The following CDH5 variants were observed in gnomAD, a reference collection of about 807,000 sequenced individuals.
The protein encoded by CDH5 is cadherin 5.
CDH5 carries 28 observed loss-of-function variants against 62.0 expected under a neutral mutation model. The ratio of observed to expected loss-of-function variants is 0.45; its 90% CI spans 0.33 to 0.62. The LOEUF (loss-of-function observed/expected upper bound fraction) is 0.62, where lower values mean the gene tolerates loss of function less well. CDH5 is among the 20% of genes least tolerant of loss of function. The probability of loss-of-function intolerance (pLI) is 0.02; values close to 1 mark genes in which losing one functional copy is unlikely to be tolerated. For missense variants in CDH5, 940 were observed against 1,065.1 expected (o/e 0.88, Z 1.63); for synonymous variants, 464 against 445.8 (o/e 1.04, Z -0.52).
chr16:66,403,073 T>A lies in CDH5; in HGVS notation c.2259T>A (p.Ser753=), dbSNP rs1299930073. 6.2e-7 allele frequency: 1 copy of A among 1,613,636 alleles called. No homozygotes were observed. Among genetic ancestry groups the A allele is most frequent in the Non-Finnish European group, 8.5e-7 (1 of 1,179,922 alleles). Residue 753 remains serine, a synonymous_variant, in exon 12 of 12, where the codon TCT becomes TCA. Coordinates refer to ENST00000341529, the MANE Select transcript of CDH5 (RefSeq NM_001795.5). This position sits in a 1 kb window ranked among gnomAD's most constrained non-coding sequence, Gnocchi z 4.3. ...CCCTGGGCACCGACTCATCCGACTC[T>A]GACGTGGATTACGACTTCCTTAACG... ...LSSLGTDSSD[S]DVDYDFLNDW...
intron 2 of CDH5, among the ~76,000 whole-genome samples, chr16:66,383,797 C>G (rs143246927): frequency 2.1e-4 from 32 of 152,148 alleles, no homozygotes; most frequent in African/African-American, 7.7e-4. Context: ...CTCCAAGATG[C>G]TTGTTGCTGC....
At position 66,389,470 on chromosome 16, in the gene CDH5, C is replaced by T. The variant is rs758374402; in HGVS notation, c.729C>T (p.Thr243=). The change falls in exon 5 of 12, where the codon ACC becomes ACT. Residue 243 remains threonine, a synonymous_variant. Coordinates refer to ENST00000341529, the MANE Select transcript of CDH5 (RefSeq NM_001795.5). ...QGLRGDSGTA[T]VLVTLQDIND... is the part of the protein sequence containing the mutation. ...TCCGGGGGGACTCGGGCACGGCCAC[C>T]GTGCTGGTCACTCTGCAAGACATCA... The T allele has an allele frequency of 7.4e-6, 12 of 1,612,408 alleles. No homozygotes were observed. Among genetic ancestry groups the T allele is most frequent in the East Asian group, 2.2e-5 (1 of 44,756 alleles).
intron 7 of CDH5, among the ~76,000 whole-genome samples, chr16:66,395,248 T>C (rs1405233784): frequency 1.3e-5 from 2 of 151,012 alleles, no homozygotes; most frequent in Admixed American, 1.3e-4. Context: ...AACACTTCCC[T>C]TCAAAAATAC....
chr16:66,376,818 T>G (rs899706566), intron 1 of CDH5, among the ~76,000 whole-genome samples: 1 of 152,166 alleles, frequency 6.6e-6, no homozygotes, highest in African/African-American at 2.4e-5. Context: ...CTCATTGACT[T>G]ATTTATTTTC....
At position 66,403,053 on chromosome 16, in the gene CDH5, G is replaced by T; in HGVS notation, c.2239G>T (p.Gly747Cys). 6.2e-7 allele frequency: 1 copy of T among 1,613,548 alleles called. No homozygotes were observed. The highest frequency in any genetic ancestry group is 8.5e-7 in the Non-Finnish European group (1 of 1,179,808). The change falls in exon 12 of 12, where the codon GGC (glycine) becomes TGC (cysteine). Residue 747 changes from glycine (G) to cysteine (C), a missense_variant. By Grantham distance (159) the Gly-to-Cys change is radical (BLOSUM62 -3). Coordinates refer to ENST00000341529, the MANE Select transcript of CDH5 (RefSeq NM_001795.5). This position sits in a 1 kb window ranked among gnomAD's most constrained non-coding sequence, Gnocchi z 4.3. ...CATAGCCGAGTCCCTCAGCTCCCTG[G>T]GCACCGACTCATCCGACTCTGACGT... ...ESIAESLSSLGTDSSDSDVDY... is the reference protein window; with the variant it reads ...ESIAESLSSLCTDSSDSDVDY...
intron 2 of CDH5, among the ~76,000 whole-genome samples, chr16:66,384,989 T>C (rs905223106): frequency 6.6e-6 from 1 of 151,248 alleles, no homozygotes; most frequent in Non-Finnish European, 1.5e-5. Flanking sequence ...AAAAAAGCAA[T>C]GTTGCACTTC....
At chr16:66,370,880 G>C (rs1447674069) in intron 1 of CDH5, among the ~76,000 whole-genome samples, 1 of 152,228 alleles carries the variant, frequency 6.6e-6, no homozygotes, top group Non-Finnish European at 1.5e-5. Context: ...GAAGGGGCAG[G>C]GAAGTGGAGG....
At chr16:66,378,644 G>C (rs1960826023) in intron 1 of CDH5, among the ~76,000 whole-genome samples, 2 of 152,174 alleles carry the variant, frequency 1.3e-5, no homozygotes, top group Admixed American at 1.3e-4. Context: ...GGACTTAGGA[G>C]CTGCCATTGG....
chr16:66,380,381 G>A (rs984947466), intron 2 of CDH5, among the ~76,000 whole-genome samples: 2 of 149,268 alleles, frequency 1.3e-5, no homozygotes, highest in Non-Finnish European at 2.9e-5. Flanking sequence ...GGTAGGCGGT[G>A]GTCTGACGAT....
intron 1 of CDH5, among the ~76,000 whole-genome samples, chr16:66,367,707 G>T (rs1441890985): frequency 6.6e-6 from 1 of 152,164 alleles, no homozygotes; most frequent in African/African-American, 2.4e-5. Context: ...TTATATCTCA[G>T]TGAAAGCAAC....
chr16:66,387,066 C>G lies in CDH5; in HGVS notation c.468C>G (p.Phe156Leu). The change falls in exon 3 of 12, where the codon TTC (phenylalanine) becomes TTG (leucine). Residue 156 changes from phenylalanine to leucine, a missense_variant. By Grantham distance (22) the Phe-to-Leu change is conservative (BLOSUM62 0). Coordinates refer to ENST00000341529, the MANE Select transcript of CDH5 (RefSeq NM_001795.5). ...DNWPVFTHRL[F>L]NASVPESSAV... is the part of the protein sequence containing the mutation. ...GGCCTGTGTTCACGCATCGGTTGTT[C>G]AATGCGTCCGTGCCTGAGTCGTCGG... 1 of 1,613,950 alleles carries G rather than the reference C, an allele frequency of 6.2e-7. No individual in the cohort carries two copies. The highest frequency in any genetic ancestry group is 2.2e-5 in the East Asian group (1 of 44,876).
At chr16:66,380,580 G>A (rs1005695096) in intron 2 of CDH5, among the ~76,000 whole-genome samples, 8 of 152,006 alleles carry the variant, frequency 5.3e-5, no homozygotes, top group Non-Finnish European at 1.2e-4. Flanking sequence ...GGTAGGTGGT[G>A]GTTGTAATGG....
In CDH5 at chr16:66,398,535, AC is replaced by A. The variant is rs913836300; in HGVS notation, c.1566del (p.Asn522LysfsTer50). The A allele has an allele frequency of 1.9e-6, 3 of 1,588,494 alleles. No individual in the cohort carries two copies. In the African/African-American group the frequency reaches 4.0e-5, roughly 21 times the overall value. On this transcript the variant is annotated frameshift_variant, in exon 10 of 12. Coordinates refer to ENST00000341529, the MANE Select transcript of CDH5 (RefSeq NM_001795.5). LOFTEE classifies it high-confidence loss of function. ...VKFKFILNTE[N>X]NFTLTDNHDN... ...TTCAAATTCATCTTGAATACTGAGA[AC>A]AACTTTACCCTCACGGATAATCACG...
intron 3 of CDH5, among the ~76,000 whole-genome samples, chr16:66,387,522 C>T (rs1294970180): frequency 6.6e-6 from 1 of 152,222 alleles, no homozygotes; most frequent in East Asian, 1.9e-4. Flanking sequence ...TGCCCCTAGT[C>T]ATAGACTGAG....
At chr16:66,392,436 C>T in intron 7 of CDH5, 53 bp downstream of exon 7, 4 of 1,602,542 alleles carry the variant, frequency 2.5e-6, no homozygotes, top group South Asian at 1.1e-5. Flanking sequence ...CCTGGATGTT[C>T]CTATGCCTGC....
At chr16:66,387,954 G>A (rs1032910476) in intron 3 of CDH5, among the ~76,000 whole-genome samples, 2 of 152,170 alleles carry the variant, frequency 1.3e-5, no homozygotes, top group African/African-American at 4.8e-5. Flanking sequence ...GTGAGATCCT[G>A]GAGTTCAAGG....
chr16:66,370,776 C>A (rs1315697699), intron 1 of CDH5, among the ~76,000 whole-genome samples: 3 of 152,222 alleles, frequency 2.0e-5, no homozygotes. Context: ...CAAAGAAGAG[C>A]ATTCCAGTCA....
At chr16:66,402,379 G>T (rs1452240206) in intron 11 of CDH5, among the ~76,000 whole-genome samples, 7 of 144,676 alleles carry the variant, frequency 4.8e-5, no homozygotes, top group African/African-American at 1.6e-4. Context: ...GGAGTGTCGG[G>T]CGAGGTGGGG....
intron 1 of CDH5, among the ~76,000 whole-genome samples, chr16:66,368,729 CA>C (rs1960632396): frequency 1.3e-5 from 2 of 152,192 alleles, no homozygotes; most frequent in Admixed American, 1.3e-4. Flanking sequence ...CAAGGTCACA[CA>C]ACCAACACAA....
Sources: allele counts gnomAD v4.1 joint callset (sites outside exome capture counted in the v4.1 genomes callset), GRCh38; gene constraint gnomAD v4.1.1; non-coding constraint Gnocchi (gnomAD v3.1); transcripts MANE v1.5; gene names NCBI Gene and HGNC (gene_info 2026-07-23, HGNC 2026-07-21).